PCDHGB1: variants seen among roughly 807,000 people sequenced by gnomAD.
PCDHGB1 encodes protocadherin gamma subfamily B, 1.
In PCDHGB1, 34 loss-of-function variants were observed where a neutral mutation model predicts 56.6. The observed-to-expected ratio is 0.60, with a 90% CI of 0.46 to 0.80. PCDHGB1 has a LOEUF of 0.80. Among genes scored for constraint, PCDHGB1 ranks in the 30% least tolerant of loss-of-function variants. The pLI is 0.00. For missense variants in PCDHGB1, 1,278 were observed against 1,204.6 expected, an observed-to-expected ratio of 1.06 and a Z score of -0.90; for synonymous variants, 561 against 505.9, an observed-to-expected ratio of 1.11 and a Z score of -1.46.
intron 1 of PCDHGB1, chr5:141,417,532 TA>T (rs1457524771): frequency 6.7e-5 from 19 of 284,780 alleles, no homozygotes; most frequent in South Asian, 1.5e-4. Context: ...ACTCGTAGTT[TA>T]AAAAAAATTC....
intron 1 of PCDHGB1, chr5:141,385,874 A>G (rs1465622834): frequency 6.5e-6 from 1 of 153,030 alleles, no homozygotes; most frequent in Non-Finnish European, 1.5e-5. Context: ...GGTTGGATTT[A>G]TGCCTAAAGA....
At chr5:141,441,916 C>T (rs1340767725) in intron 1 of PCDHGB1, 9 of 352,248 alleles carry the variant, frequency 2.6e-5, no homozygotes, top group Non-Finnish European at 4.9e-5. Context: ...AGATGTGAGA[C>T]ACAATGCGTG....
intron 1 of PCDHGB1, chr5:141,374,617 C>T: frequency 1.2e-6 from 2 of 1,613,518 alleles, no homozygotes; most frequent in South Asian, 1.1e-5. Flanking sequence ...ATAGTCACTT[C>T]TCAGTGGACG....
chr5:141,441,018 TG>T (rs1482478700), intron 1 of PCDHGB1: 1 of 152,164 alleles, frequency 6.6e-6, no homozygotes, highest in Non-Finnish European at 1.5e-5. Context: ...GATCAAATAG[TG>T]GAGAAATGAA....
chr5:141,361,023 A>T (rs1171139053), intron 1 of PCDHGB1: 1 of 1,613,384 alleles, frequency 6.2e-7, no homozygotes, highest in Non-Finnish European at 8.5e-7. Context: ...ACTTAAATGA[A>T]AAAACAGGAG....
chr5:141,476,726 C>T lies in PCDHGB1; in HGVS notation c.2410-18081C>T. On this transcript the variant is annotated intron_variant, in intron 1 of 3. Coordinates refer to ENST00000523390, the MANE Select transcript of PCDHGB1 (RefSeq NM_018922.3). This position sits in a 1 kb window ranked among gnomAD's most constrained non-coding sequence, Gnocchi z 7.6. ...GCTGGTGTTGGAGCGCGCCCTGGAC[C>T]GAGAACGGGAGCCTAGTCTCCAGTT... The T allele has an allele frequency of 6.2e-7, 1 of 1,614,116 alleles. No homozygotes were observed. The highest frequency in any genetic ancestry group is 8.5e-7 in the Non-Finnish European group (1 of 1,180,028).
chr5:141,467,907 C>A (rs1166486426), intron 1 of PCDHGB1, among the ~76,000 whole-genome samples: 1 of 152,156 alleles, frequency 6.6e-6, no homozygotes, highest in Non-Finnish European at 1.5e-5. Flanking sequence ...AATCCGCCCA[C>A]CTCAGCCTCC....
chr5:141,485,358 G>T lies in PCDHGB1; in HGVS notation c.2410-9449G>T. 1.2e-6 allele frequency: 2 copies of T among 1,614,100 alleles called. No individual in the cohort carries two copies. Among genetic ancestry groups the T allele is most frequent in the Non-Finnish European group, 1.7e-6 (2 of 1,180,006 alleles). On this transcript the variant is annotated intron_variant, in intron 1 of 3. Coordinates refer to ENST00000523390, the MANE Select transcript of PCDHGB1 (RefSeq NM_018922.3). This position sits in a 1 kb window ranked among gnomAD's most constrained non-coding sequence, Gnocchi z 5.7. ...CTGGATACGGACAGTCTGTCAGCTC[G>T]CAGGCTGCAGGTCGCTGGAGAGGTG...
At chr5:141,410,532 A>G in intron 1 of PCDHGB1, 1 of 1,613,908 alleles carries the variant, frequency 6.2e-7, no homozygotes, top group Non-Finnish European at 8.5e-7. Context: ...CATTCCAATG[A>G]AGACATGGTT....
chr5:141,398,692 AG>A, intron 1 of PCDHGB1: 1 of 1,613,942 alleles, frequency 6.2e-7, no homozygotes, highest in Non-Finnish European at 8.5e-7. Context: ...ACAGGATGGT[AG>A]TAAATACCCG....
intron 1 of PCDHGB1, chr5:141,404,458 C>A: frequency 6.2e-7 from 1 of 1,612,914 alleles, no homozygotes; most frequent in East Asian, 2.2e-5. Context: ...CTCCTCTCTC[C>A]ACCTATGTCT....
At chr5:141,433,391 CTA>C (rs1477426085) in intron 1 of PCDHGB1, among the ~76,000 whole-genome samples, 3 of 151,570 alleles carry the variant, frequency 2.0e-5, no homozygotes, top group African/African-American at 7.3e-5. Context: ...ATCTATCTAT[CTA>C]TCTATCTATC....
intron 1 of PCDHGB1, chr5:141,371,190 GC>G: frequency 6.2e-7 from 1 of 1,613,982 alleles, no homozygotes; most frequent in Non-Finnish European, 8.5e-7. Flanking sequence ...AAAAGTGATG[GC>G]CATTGACATG....
intron 2 of PCDHGB1, among the ~76,000 whole-genome samples, chr5:141,502,576 T>C (rs1226513508): frequency 6.6e-6 from 1 of 152,168 alleles, no homozygotes; most frequent in African/African-American, 2.4e-5. Flanking sequence ...ATTATAAAAA[T>C]ATATTTTTAT....
At chr5:141,399,779 G>T in intron 1 of PCDHGB1, 2 of 1,613,282 alleles carry the variant, frequency 1.2e-6, no homozygotes, top group South Asian at 1.1e-5. Flanking sequence ...GTGGGCGACC[G>T]AAACGACAAC....
intron 1 of PCDHGB1, chr5:141,395,163 G>A: frequency 6.2e-7 from 1 of 1,614,160 alleles, no homozygotes; most frequent in Middle Eastern, 1.6e-4. Flanking sequence ...CAGTCAGGAG[G>A]GCTGTGAGAA....
intron 1 of PCDHGB1, chr5:141,415,493 T>C (rs1312874620): frequency 6.2e-7 from 1 of 1,614,108 alleles, no homozygotes; most frequent in Non-Finnish European, 8.5e-7. Context: ...AGTCACCTGA[T>C]CTTCCCCCAG....
intron 1 of PCDHGB1, among the ~76,000 whole-genome samples, chr5:141,358,251 T>C (rs906143895): frequency 8.5e-5 from 13 of 152,228 alleles, no homozygotes; most frequent in Non-Finnish European, 1.5e-4. Flanking sequence ...TAGGTGTTCC[T>C]GAAAAGATAC....
At chr5:141,399,048 G>C (rs779434482) in intron 1 of PCDHGB1, 7 of 1,613,830 alleles carry the variant, frequency 4.3e-6, no homozygotes, top group Non-Finnish European at 5.1e-6. Flanking sequence ...ATTTTGAAGA[G>C]ACCAAGGAAT....
Sources: allele counts gnomAD v4.1 joint callset (sites outside exome capture counted in the v4.1 genomes callset), GRCh38; gene constraint gnomAD v4.1.1; non-coding constraint Gnocchi (gnomAD v3.1); transcripts MANE v1.5; gene names NCBI Gene and HGNC (gene_info 2026-07-23, HGNC 2026-07-21).